Variants in CDH4 observed in about 807,000 individuals in gnomAD.
CDH4 encodes cadherin 4.
CDH4 carries 33 observed loss-of-function variants against 86.0 expected under a neutral mutation model. That is an observed-to-expected ratio of 0.38 (90% confidence interval 0.29 to 0.51). The LOEUF is 0.51. Ranked by LOEUF, CDH4 falls within the 20% of genes least tolerant of loss-of-function variation. The pLI, the probability that CDH4 is intolerant of heterozygous loss-of-function variation, is 0.86. For missense variants in CDH4, 1,114 were observed against 1,307.4 expected (o/e 0.85, Z 2.28); for synonymous variants, 555 against 549.4 (o/e 1.01, Z -0.14).
chr20:61,809,368 G>C (rs956262503), intron 4 of CDH4, among the ~76,000 whole-genome samples: 1 of 152,186 alleles, frequency 6.6e-6, no homozygotes, highest in Non-Finnish European at 1.5e-5. Context: ...AAATGTCGTG[G>C]CAAATTGCAA....
chr20:61,922,309 A>C (rs2054991554), intron 9 of CDH4, among the ~76,000 whole-genome samples: 1 of 152,142 alleles, frequency 6.6e-6, no homozygotes, highest in South Asian at 2.1e-4. Flanking sequence ...TTTTCCATGT[A>C]ACTTCCCTCC....
chr20:61,628,438 C>A (rs1206427043), intron 2 of CDH4, among the ~76,000 whole-genome samples: 1 of 152,176 alleles, frequency 6.6e-6, no homozygotes, highest in African/African-American at 2.4e-5. Context: ...CTCATTCATT[C>A]ATTCATTCAT....
chr20:61,273,434 G>A (rs1198255030), intron 2 of CDH4, among the ~76,000 whole-genome samples: 5 of 95,372 alleles, frequency 5.2e-5, no homozygotes, highest in Admixed American at 1.1e-4. Flanking sequence ...CAGTTTGGGG[G>A]AGGACCATGT....
At chr20:61,551,791 C>A (rs948089712) in intron 2 of CDH4, among the ~76,000 whole-genome samples, 14 of 152,170 alleles carry the variant, frequency 9.2e-5, no homozygotes, top group Non-Finnish European at 1.9e-4. Context: ...ACATATAGAC[C>A]AATAGAAGTG....
chr20:61,493,241 A>G (rs984551535), intron 2 of CDH4, among the ~76,000 whole-genome samples: 1 of 152,068 alleles, frequency 6.6e-6, no homozygotes, highest in African/African-American at 2.4e-5. Flanking sequence ...CCGGAGTTCC[A>G]TTGTCTGTGA....
chr20:61,915,419 C>T (rs1295357539), intron 9 of CDH4, among the ~76,000 whole-genome samples: 1 of 152,202 alleles, frequency 6.6e-6, no homozygotes, highest in Non-Finnish European at 1.5e-5. Flanking sequence ...GGAGGGGACA[C>T]GGAGGCTTGA....
chr20:61,313,814 A>G (rs535731655), intron 2 of CDH4, among the ~76,000 whole-genome samples: 37 of 152,310 alleles, frequency 2.4e-4, no homozygotes, highest in Admixed American at 3.3e-4. Context: ...ATAGCCCACT[A>G]CAGCCTCAAA....
chr20:61,825,441 A>G (rs1981262797), intron 4 of CDH4, among the ~76,000 whole-genome samples: 1 of 152,136 alleles, frequency 6.6e-6, no homozygotes, highest in African/African-American at 2.4e-5. Flanking sequence ...AAATAGACTG[A>G]TAGACCTAGT....
At chr20:61,654,895 C>T (rs550438649) in intron 2 of CDH4, among the ~76,000 whole-genome samples, 30 of 146,634 alleles carry the variant, frequency 2.0e-4, no homozygotes, top group African/African-American at 7.2e-4. Flanking sequence ...CAGACCCAGC[C>T]CCGCTCTGGA....
chr20:61,430,431 A>G lies in CDH4; in HGVS notation c.169+175494A>G, dbSNP rs2145514761. On this transcript the variant is annotated intron_variant, in intron 2 of 15. Coordinates refer to ENST00000614565, the MANE Select transcript of CDH4 (RefSeq NM_001794.5). ...TATAGTGCAGAAGCTTGTGAAGCCA[A>G]AACAGTTTGATGTGTAATTGCAGGA... 1.3e-5 allele frequency among the ~76,000 whole-genome samples: 2 copies of G among 152,294 alleles called. 1 individual carries two copies. The highest frequency in any genetic ancestry group is 6.8e-3 in the Middle Eastern group (2 of 294).
chr20:61,385,394 G>A (rs1358823828), intron 2 of CDH4, among the ~76,000 whole-genome samples: 1 of 152,110 alleles, frequency 6.6e-6, no homozygotes, highest in Non-Finnish European at 1.5e-5. Context: ...AGATCAGGAG[G>A]TTGGCAAATC....
chr20:61,575,188 G>T (rs1442650107), intron 2 of CDH4, among the ~76,000 whole-genome samples: 1 of 152,122 alleles, frequency 6.6e-6, no homozygotes, highest in Non-Finnish European at 1.5e-5. Flanking sequence ...CCATTACCAG[G>T]GCCTAGTTTC....
intron 2 of CDH4, among the ~76,000 whole-genome samples, chr20:61,371,289 C>G (rs1356026034): frequency 2.0e-5 from 3 of 152,146 alleles, no homozygotes; most frequent in African/African-American, 7.2e-5. Context: ...GGGCCATTTG[C>G]CCTCTTGCAG....
rs534292794 is a variant in CDH4 at position 61,254,381 on chromosome 20, C to T, written c.58-445C>T. Among the ~76,000 whole-genome samples, 418 of 152,364 alleles carry T rather than the reference C, an allele frequency of 2.7e-3. 1 individual carries two copies. The highest frequency in any genetic ancestry group is 3.4e-3 in the Non-Finnish European group (232 of 68,036). On this transcript the variant is annotated intron_variant, in intron 1 of 15. Coordinates refer to ENST00000614565, the MANE Select transcript of CDH4 (RefSeq NM_001794.5). ...CTGGAGAGGAGACAAGAAGCTGCCT[C>T]CTCCGCCTTACCAAGAGCGCAGAGC...
intron 2 of CDH4, among the ~76,000 whole-genome samples, chr20:61,525,198 G>A (rs1799562606): frequency 6.6e-6 from 1 of 152,196 alleles, no homozygotes; most frequent in African/African-American, 2.4e-5. Context: ...CAGCTGGAAG[G>A]TTCTGGTGAC....
At chr20:61,306,688 GT>G (rs1476689729) in intron 2 of CDH4, among the ~76,000 whole-genome samples, 19 of 152,192 alleles carry the variant, frequency 1.2e-4, no homozygotes, top group Non-Finnish European at 2.4e-4. Context: ...CACACAAGTT[GT>G]GAGTGGCCAG....
chr20:61,545,125 A>G (rs995237889), intron 2 of CDH4, among the ~76,000 whole-genome samples: 1 of 152,192 alleles, frequency 6.6e-6, no homozygotes, highest in African/African-American at 2.4e-5. Flanking sequence ...GTCGTTCAGC[A>G]AACAGAAGAT....
intron 2 of CDH4, among the ~76,000 whole-genome samples, chr20:61,661,470 CTTTT>C (rs11472090): frequency 1.1e-4 from 13 of 115,114 alleles, no homozygotes; most frequent in Non-Finnish European, 8.5e-5. Flanking sequence ...TGCTTTCTGA[CTTTT>C]TTTTTTTTTT....
chr20:61,461,005 C>T (rs1470381106), intron 2 of CDH4, among the ~76,000 whole-genome samples: 1 of 152,186 alleles, frequency 6.6e-6, no homozygotes, highest in East Asian at 1.9e-4. Context: ...CCCATCTAAG[C>T]CGCCTGTTTC....
Sources: allele counts gnomAD v4.1 joint callset (sites outside exome capture counted in the v4.1 genomes callset), GRCh38; gene constraint gnomAD v4.1.1; transcripts MANE v1.5; gene names NCBI Gene and HGNC (gene_info 2026-07-23, HGNC 2026-07-21).